CMTM8: variants seen among roughly 807,000 people sequenced by gnomAD.
CMTM8 encodes the protein CKLF-like MARVEL transmembrane domain-containing protein 8.
CMTM8 carries 12 observed loss-of-function variants against 18.6 expected under a neutral mutation model. That is an observed-to-expected ratio of 0.65 (90% CI 0.41 to 1.05). The LOEUF is 1.05. Ranked by LOEUF, CMTM8 falls within the 50% of genes least tolerant of loss-of-function variation. The pLI is 0.00. For missense variants in CMTM8, 217 were observed against 227.2 expected, an observed-to-expected ratio of 0.95 and a Z score of 0.29; for synonymous variants, 87 against 90.6, an observed-to-expected ratio of 0.96 and a Z score of 0.23.
At chr3:32,352,182 AACAC>A (rs71068042) in intron 1 of CMTM8, among the ~76,000 whole-genome samples, 5 of 57,352 alleles carry the variant, frequency 8.7e-5, no homozygotes, top group African/African-American at 3.2e-4. Context: ...TCTGAAAAAA[AACAC>A]ACACACACAC....
At chr3:32,242,945 T>C (rs1559359590) in intron 1 of CMTM8, among the ~76,000 whole-genome samples, 1 of 152,056 alleles carries the variant, frequency 6.6e-6, no homozygotes, top group Non-Finnish European at 1.5e-5. Flanking sequence ...AGGCTGGAAT[T>C]GCAGTAGTGC....
intron 1 of CMTM8, among the ~76,000 whole-genome samples, chr3:32,278,950 GGA>G (rs1702561585): frequency 6.6e-6 from 1 of 152,142 alleles, no homozygotes; most frequent in Non-Finnish European, 1.5e-5. Context: ...ACAAAAAGGA[GGA>G]GCACTTACTG....
intron 1 of CMTM8, among the ~76,000 whole-genome samples, chr3:32,347,214 G>C (rs748127304): frequency 2.1e-4 from 32 of 150,722 alleles, no homozygotes; most frequent in Non-Finnish European, 3.8e-4. Context: ...AGTGAACAAT[G>C]ATTTCTTTTG....
intron 1 of CMTM8, among the ~76,000 whole-genome samples, chr3:32,293,720 C>T (rs1374174773): frequency 6.6e-6 from 1 of 152,118 alleles, no homozygotes; most frequent in Non-Finnish European, 1.5e-5. Context: ...GTGGCACACA[C>T]CTGTAGTCCC....
chr3:32,313,954 A>G (rs965361174), intron 1 of CMTM8, among the ~76,000 whole-genome samples: 24 of 152,132 alleles, frequency 1.6e-4, no homozygotes, highest in Non-Finnish European at 2.9e-4. Flanking sequence ...TGATCGTACC[A>G]CTGCACTCAA....
intron 1 of CMTM8, among the ~76,000 whole-genome samples, chr3:32,317,926 G>A (rs1205394639): frequency 1.3e-5 from 2 of 151,872 alleles, no homozygotes; most frequent in African/African-American, 4.8e-5. Context: ...ATGGTTGTAG[G>A]CACCTGTAAT....
intron 1 of CMTM8, among the ~76,000 whole-genome samples, chr3:32,336,721 A>G (rs1034633050): frequency 1.3e-5 from 2 of 151,666 alleles, no homozygotes; most frequent in Admixed American, 6.6e-5. Context: ...CTTCCTCACT[A>G]CTCTCTCATC....
chr3:32,347,797 T>G lies in CMTM8; in HGVS notation c.148-9576T>G, dbSNP rs113324920. On this transcript the variant is annotated intron_variant, in intron 1 of 3. Transcript: ENST00000307526. Reference sequence around the variant, plus strand: ...CCTCTTTCTTGCTTTCCTCCCACATTGTGATGGAGAAGTTCCCTAACAGCT... The same window carrying G: ...CCTCTTTCTTGCTTTCCTCCCACATGGTGATGGAGAAGTTCCCTAACAGCT... 8.3e-3 allele frequency among the ~76,000 whole-genome samples: 1,265 copies of G among 152,240 alleles called. 23 individuals carry two copies. The highest frequency in any genetic ancestry group is 0.029 in the African/African-American group (1,203 of 41,542).
chr3:32,264,412 T>G lies in CMTM8; in HGVS notation c.147+25293T>G, dbSNP rs375991888. 1.2e-4 allele frequency among the ~76,000 whole-genome samples: 19 copies of G among 152,320 alleles called. No homozygotes were observed. The South Asian group carries it at 3.9e-3, about 32-fold the overall frequency. On this transcript the variant is annotated intron_variant, in intron 1 of 3. Transcript: ENST00000307526. ...ACAGACAAGCAAATGCTGAGCGATTTTGTCACCACTAGGCCTGCCCTACAA... is the reference window on the plus strand; with the variant it reads ...ACAGACAAGCAAATGCTGAGCGATTGTGTCACCACTAGGCCTGCCCTACAA...
At chr3:32,247,226 C>A (rs183771596) in intron 1 of CMTM8, among the ~76,000 whole-genome samples, 50 of 152,248 alleles carry the variant, frequency 3.3e-4, no homozygotes, top group Non-Finnish European at 6.0e-4. Context: ...GATATAATTA[C>A]ATATAAAATT....
At chr3:32,293,182 G>GGT (rs1702813399) in intron 1 of CMTM8, among the ~76,000 whole-genome samples, 1 of 151,990 alleles carries the variant, frequency 6.6e-6, no homozygotes, top group African/African-American at 2.4e-5. Context: ...AGCAGTCCAT[G>GGT]GTGTGGAGGT....
At chr3:32,259,313 C>T (rs1471049275) in intron 1 of CMTM8, 3 of 711,642 alleles carry the variant, frequency 4.2e-6, no homozygotes, top group Admixed American at 3.5e-5. Context: ...AGGTCAGAGA[C>T]TGGGCCATTA....
chr3:32,319,156 G>A (rs546529008), intron 1 of CMTM8, among the ~76,000 whole-genome samples: 1 of 137,256 alleles, frequency 7.3e-6, no homozygotes, highest in South Asian at 2.4e-4. Flanking sequence ...TCAGCTCACT[G>A]CAACCTCTGC....
At chr3:32,357,297 T>C in intron 1 of CMTM8, 76 bp from the exon 2 acceptor site, 2 of 1,071,456 alleles carry the variant, frequency 1.9e-6, no homozygotes, top group Non-Finnish European at 2.8e-6. Flanking sequence ...TATTTTTTTT[T>C]CTTTGTCCCT....
At chr3:32,260,680 TC>T (rs56170511) in intron 1 of CMTM8, among the ~76,000 whole-genome samples, 27,639 of 133,206 alleles carry the variant, frequency 0.21, 2,681 homozygotes, top group South Asian at 0.29. Flanking sequence ...TTTTTTTTTT[TC>T]CCCCTGTTTT....
intron 1 of CMTM8, among the ~76,000 whole-genome samples, chr3:32,346,885 A>G (rs749937955): frequency 4.6e-5 from 7 of 151,258 alleles, no homozygotes; most frequent in Non-Finnish European, 1.0e-4. Context: ...CAGTGGCACA[A>G]TCACAGCTCA....
chr3:32,340,568 C>T (rs1696474079), intron 1 of CMTM8, among the ~76,000 whole-genome samples: 1 of 152,160 alleles, frequency 6.6e-6, no homozygotes, highest in Admixed American at 6.5e-5. Flanking sequence ...TTTCCTAGTG[C>T]AGAGAGTGTG....
At chr3:32,352,572 A>C (rs1575091870) in intron 1 of CMTM8, among the ~76,000 whole-genome samples, 1 of 152,240 alleles carries the variant, frequency 6.6e-6, no homozygotes, top group South Asian at 2.1e-4. Flanking sequence ...TGACTCTCAC[A>C]GTATTGAGCA....
chr3:32,369,329 A>G (rs1695599678), intron 3 of CMTM8, among the ~76,000 whole-genome samples: 2 of 152,126 alleles, frequency 1.3e-5, no homozygotes, highest in South Asian at 4.1e-4. Context: ...AAACAAAATA[A>G]AAGTAGAGCA....
Sources: allele counts gnomAD v4.1 joint callset (sites outside exome capture counted in the v4.1 genomes callset), GRCh38; gene constraint gnomAD v4.1.1; transcripts MANE v1.5; gene names NCBI Gene and HGNC (gene_info 2026-07-23, HGNC 2026-07-21).